CDH12: variants seen among roughly 807,000 people sequenced by gnomAD.
CDH12 encodes cadherin 12.
Under a neutral mutation model 74.1 loss-of-function variants are expected in CDH12, and 41 were observed. The observed-to-expected ratio is 0.55, with a 90% CI of 0.43 to 0.72. The LOEUF is 0.72. Ranked by LOEUF, CDH12 falls within the 30% of genes least tolerant of loss-of-function variation. The pLI, the probability that CDH12 is intolerant of heterozygous loss-of-function variation, is 0.00. For missense variants in CDH12, 945 were observed against 977.2 expected (o/e 0.97, Z 0.44); for synonymous variants, 399 against 355.0 (o/e 1.12, Z -1.39).
At chr5:22,055,425 C>A (rs1740669215) in intron 5 of CDH12, among the ~76,000 whole-genome samples, 2 of 152,120 alleles carry the variant, frequency 1.3e-5, no homozygotes, top group Non-Finnish European at 2.9e-5. Flanking sequence ...TCATTCCTGA[C>A]AACATTCTAC....
intron 5 of CDH12, among the ~76,000 whole-genome samples, chr5:22,049,083 A>G (rs1457447650): frequency 2.0e-5 from 3 of 152,112 alleles, no homozygotes; most frequent in African/African-American, 4.8e-5. Flanking sequence ...ATCTTATTAC[A>G]GTGTATAAAT....
chr5:22,278,087 T>C (rs1054360662), intron 3 of CDH12: 2 of 152,216 alleles, frequency 1.3e-5, no homozygotes, highest in African/African-American at 4.8e-5. Context: ...AGGCTTTTAT[T>C]GATTTAACTG....
chr5:22,461,594 T>A (rs1465457772), intron 2 of CDH12, among the ~76,000 whole-genome samples: 1 of 151,968 alleles, frequency 6.6e-6, no homozygotes, highest in Non-Finnish European at 1.5e-5. Context: ...AATGTGTATA[T>A]GAATAATATG....
intron 1 of CDH12, among the ~76,000 whole-genome samples, chr5:22,640,200 A>G (rs1311791508): frequency 1.3e-5 from 2 of 152,148 alleles, no homozygotes; most frequent in Non-Finnish European, 2.9e-5. Context: ...GCCAGCCTCC[A>G]TGACAAATTT....
intron 1 of CDH12, among the ~76,000 whole-genome samples, chr5:22,736,465 T>C (rs897558169): frequency 6.6e-6 from 1 of 151,814 alleles, no homozygotes; most frequent in Non-Finnish European, 1.5e-5. Flanking sequence ...ATTCAAATTT[T>C]TAACAAAAAT....
intron 4 of CDH12, among the ~76,000 whole-genome samples, chr5:22,139,770 A>G (rs1156791439): frequency 1.3e-5 from 2 of 152,034 alleles, no homozygotes; most frequent in African/African-American, 2.4e-5. Flanking sequence ...TCTTCCTCCT[A>G]TCAGCTCAAA....
intron 8 of CDH12, among the ~76,000 whole-genome samples, chr5:21,820,655 G>A: frequency 6.6e-6 from 1 of 151,992 alleles, no homozygotes; most frequent in East Asian, 1.9e-4. Context: ...GAGAAACTAT[G>A]CATTTGTCAT....
At chr5:22,782,240 A>G (rs1747420250) in intron 1 of CDH12, among the ~76,000 whole-genome samples, 1 of 152,106 alleles carries the variant, frequency 6.6e-6, no homozygotes, top group African/African-American at 2.4e-5. Context: ...GGGAGGGAAC[A>G]GGTGAAGAAT....
chr5:22,836,150 C>T (rs766493), intron 1 of CDH12, among the ~76,000 whole-genome samples: 1 of 147,684 alleles, frequency 6.8e-6, no homozygotes, highest in Non-Finnish European at 1.5e-5. Context: ...AATGCCTACT[C>T]TAAAAAGAAA....
intron 5 of CDH12, among the ~76,000 whole-genome samples, chr5:22,027,095 T>C (rs1419156515): frequency 1.3e-5 from 2 of 152,202 alleles, no homozygotes; most frequent in African/African-American, 4.8e-5. Flanking sequence ...TCTTTGGTTC[T>C]GTTTATATGC....
intron 3 of CDH12, among the ~76,000 whole-genome samples, chr5:22,249,371 G>A (rs1753061723): frequency 6.6e-6 from 1 of 152,160 alleles, no homozygotes; most frequent in African/African-American, 2.4e-5. Flanking sequence ...AGACAGCTGC[G>A]TGGCGGGAGG....
At chr5:22,361,150 G>C (rs1024533759) in intron 3 of CDH12, among the ~76,000 whole-genome samples, 7 of 152,148 alleles carry the variant, frequency 4.6e-5, no homozygotes, top group Admixed American at 3.9e-4. Context: ...GTCCCTATTT[G>C]CAGATGACAT....
chr5:22,344,879 A>G (rs1740042768), intron 3 of CDH12, among the ~76,000 whole-genome samples: 1 of 152,180 alleles, frequency 6.6e-6, no homozygotes, highest in African/African-American at 2.4e-5. Context: ...TATGTCTGTG[A>G]GTATCACCCA....
intron 3 of CDH12, among the ~76,000 whole-genome samples, chr5:22,383,678 AATTC>A (rs1444302166): frequency 6.6e-6 from 1 of 152,196 alleles, no homozygotes; most frequent in Non-Finnish European, 1.5e-5. Context: ...ATAATCTCCC[AATTC>A]ATGTGTATAT....
chr5:22,836,213 C>CTCT (rs1402972549), intron 1 of CDH12, among the ~76,000 whole-genome samples: 1 of 37,956 alleles, frequency 2.6e-5, no homozygotes, highest in Non-Finnish European at 5.3e-5. Context: ...TTCTTTTTTT[C>CTCT]TTTCTTTCTC....
chr5:21,800,828 A>G lies in CDH12; in HGVS notation c.1256+1339T>C, dbSNP rs141172343. Among the ~76,000 whole-genome samples, 655 of 152,218 alleles carry G rather than the reference A, an allele frequency of 4.3e-3. 1 individual carries two copies. Among genetic ancestry groups the G allele is most frequent in the Middle Eastern group, 0.017 (5 of 294 alleles). On this transcript the variant is annotated intron_variant, in intron 10 of 14. Coordinates refer to ENST00000382254, the MANE Select transcript of CDH12 (RefSeq NM_004061.5). Reference sequence around the variant, plus strand: ...AGTTCTTACAAAATCTGATTGTTTCATAAGTTGTTTGACTGTTCCTCCTTC... The same window carrying G: ...AGTTCTTACAAAATCTGATTGTTTCGTAAGTTGTTTGACTGTTCCTCCTTC...
Position 22,354,580 on chromosome 5 carries a change from G to C in CDH12, c.-333+50677C>G, listed in dbSNP as rs188191893. Among the ~76,000 whole-genome samples the C allele has an allele frequency of 7.9e-5, 12 of 152,278 alleles. No individual in the cohort carries two copies. In the East Asian group the frequency reaches 2.1e-3, roughly 27 times the overall value. On this transcript the variant is annotated intron_variant, in intron 3 of 14. Transcript: ENST00000382254. ...GCCTGGATGCCAACATTTAAGTTGA[G>C]TACAGATATCTAGGTCATACTGGAG...
At chr5:21,936,696 A>G (rs1471747377) in intron 6 of CDH12, among the ~76,000 whole-genome samples, 1 of 152,180 alleles carries the variant, frequency 6.6e-6, no homozygotes, top group Admixed American at 6.5e-5. Context: ...ACCCCACCCA[A>G]ATCTCAACTC....
At chr5:21,868,602 C>T (rs1404314919) in intron 6 of CDH12, among the ~76,000 whole-genome samples, 1 of 152,154 alleles carries the variant, frequency 6.6e-6, no homozygotes, top group Admixed American at 6.5e-5. Context: ...GGGCTTTGGA[C>T]TTACTTGAGA....
Sources: allele counts gnomAD v4.1 joint callset (sites outside exome capture counted in the v4.1 genomes callset), GRCh38; gene constraint gnomAD v4.1.1; transcripts MANE v1.5; gene names NCBI Gene and HGNC (gene_info 2026-07-23, HGNC 2026-07-21).